Variants in P2RX7 observed in about 807,000 individuals in gnomAD.
P2RX7 encodes the protein P2X purinoceptor 7.
Under a neutral mutation model 71.6 loss-of-function variants are expected in P2RX7, and 62 were observed. The observed-to-expected ratio is 0.87, with a 90% CI of 0.71 to 1.07. The LOEUF is 1.07. P2RX7 is among the 50% of genes least tolerant of loss of function. The pLI is 0.00. For missense variants in P2RX7, 686 were observed against 748.5 expected (o/e 0.92, Z 0.97); for synonymous variants, 299 against 283.3 (o/e 1.06, Z -0.56).
intron 1 of P2RX7, among the ~76,000 whole-genome samples, chr12:121,137,233 C>T (rs1416029919): frequency 1.3e-5 from 2 of 152,138 alleles, no homozygotes; most frequent in Admixed American, 1.3e-4. Context: ...TGCTTTTTAG[C>T]GAGCATCTTG....
chr12:121,139,510 G>C (rs1455541553), intron 1 of P2RX7, among the ~76,000 whole-genome samples: 3 of 152,188 alleles, frequency 2.0e-5, no homozygotes, highest in African/African-American at 7.2e-5. Context: ...CTGGGCCCAG[G>C]CTGGCTGTCG....
intron 1 of P2RX7, among the ~76,000 whole-genome samples, chr12:121,137,251 A>G (rs1371792517): frequency 1.3e-5 from 2 of 152,168 alleles, no homozygotes; most frequent in African/African-American, 4.8e-5. Context: ...TTGCTGCTCT[A>G]CTTATTAATC....
intron 3 of P2RX7, among the ~76,000 whole-genome samples, 171 bp downstream of exon 3, chr12:121,156,318 C>A (rs1324755107): frequency 2.0e-5 from 3 of 152,198 alleles, no homozygotes; most frequent in Admixed American, 6.5e-5. Context: ...AGGGAGAGAA[C>A]ACATGGCAGT....
At chr12:121,167,776 T>A in intron 8 of P2RX7, 152 bp downstream of exon 8, 2 of 627,304 alleles carry the variant, frequency 3.2e-6, no homozygotes. Context: ...CATAATTTTT[T>A]AAAATTCTCA....
chr12:121,170,567 G>A (rs1007115866), intron 8 of P2RX7, among the ~76,000 whole-genome samples: 1 of 152,290 alleles, frequency 6.6e-6, no homozygotes, highest in South Asian at 2.1e-4. Context: ...CTGAGGTCAG[G>A]AGTTCGAGAC....
intron 6 of P2RX7, among the ~76,000 whole-genome samples, 181 bp from the exon 7 acceptor site, chr12:121,165,877 A>G (rs1334291416): frequency 2.0e-5 from 3 of 152,184 alleles, no homozygotes; most frequent in Admixed American, 2.0e-4. Context: ...GCCATATGCC[A>G]TTGGTCACAC....
chr12:121,138,532 G>T (rs549810987), intron 1 of P2RX7, among the ~76,000 whole-genome samples: 8 of 152,368 alleles, frequency 5.3e-5, no homozygotes, highest in African/African-American at 1.2e-4. Context: ...AGACGAGGGA[G>T]CCGTGTGAGC....
intron 9 of P2RX7, 101 bp from the exon 10 acceptor site, chr12:121,177,046 G>T: frequency 1.0e-6 from 1 of 985,042 alleles, no homozygotes; most frequent in Non-Finnish European, 1.6e-6. Flanking sequence ...CCAAGTCACA[G>T]CATGAGGCTC....
At chr12:121,184,028 G>C (rs1884571276) in intron 12 of P2RX7, among the ~76,000 whole-genome samples, 1 of 150,750 alleles carries the variant, frequency 6.6e-6, no homozygotes, top group Non-Finnish European at 1.5e-5. Flanking sequence ...TCACACCACT[G>C]TGCTCCAGCC....
chr12:121,170,139 T>C (rs1881887652), intron 8 of P2RX7, among the ~76,000 whole-genome samples: 1 of 152,190 alleles, frequency 6.6e-6, no homozygotes, highest in African/African-American at 2.4e-5. Context: ...TCCAAGGCAA[T>C]GGAACCAGCT....
chr12:121,164,979 A>G (rs1267664670), intron 5 of P2RX7, among the ~76,000 whole-genome samples: 3 of 152,052 alleles, frequency 2.0e-5, no homozygotes, highest in Admixed American at 6.5e-5. Context: ...TGTGCCGCAC[A>G]CTTTTAAATG....
intron 1 of P2RX7, among the ~76,000 whole-genome samples, chr12:121,151,516 C>T (rs533758384): frequency 2.0e-5 from 3 of 152,290 alleles, no homozygotes; most frequent in South Asian, 4.1e-4. Context: ...CCACCATGCC[C>T]AGCCTAAAAG....
intron 11 of P2RX7, among the ~76,000 whole-genome samples, chr12:121,180,147 C>CAAAAAAA (rs60397642): frequency 3.1e-5 from 2 of 64,652 alleles, no homozygotes; most frequent in African/African-American, 5.7e-5. Context: ...AACTCCAACT[C>CAAAAAAA]AAAAAAAAAA....
rs1884632353 is a variant in P2RX7 at position 121,184,373 on chromosome 12, T to C, written c.1359T>C (p.Pro453=). The change falls in exon 13 of 13, where the codon CCT becomes CCC. Residue 453 remains proline, a synonymous_variant. Coordinates refer to ENST00000328963, the MANE Select transcript of P2RX7 (RefSeq NM_002562.6). ...CCCTCCATGACACACCCCCGATTCC[T>C]GGACAACCAGAGGAGATACAGCTGC... ...PLALHDTPPI[P]GQPEEIQLLR... 6.2e-7 allele frequency: 1 copy of C among 1,614,002 alleles called. No homozygotes were observed.
chr12:121,171,235 T>G (rs926444290), intron 8 of P2RX7, among the ~76,000 whole-genome samples: 1 of 151,892 alleles, frequency 6.6e-6, no homozygotes, highest in Non-Finnish European at 1.5e-5. Context: ...TACGGGAGGG[T>G]CCTCTCTTGC....
At chr12:121,162,614 C>T (rs964398302) in intron 5 of P2RX7, 94 bp downstream of exon 5, 3 of 1,445,510 alleles carry the variant, frequency 2.1e-6, no homozygotes, top group Admixed American at 2.0e-5. Context: ...TCAGCACAGC[C>T]CTGCAAAGTC....
intron 1 of P2RX7, among the ~76,000 whole-genome samples, chr12:121,136,023 A>AAAAAAATATATATATATAT: frequency 2.6e-4 from 4 of 15,260 alleles, no homozygotes; most frequent in East Asian, 3.9e-3. Context: ...AAAAAAAAAA[A>AAAAAAATATATATATATAT]ATATATATAT....
At chr12:121,162,916 G>C (rs1880045970) in intron 5 of P2RX7, among the ~76,000 whole-genome samples, 1 of 151,992 alleles carries the variant, frequency 6.6e-6, no homozygotes. Flanking sequence ...GGAAGGGAAG[G>C]ACGAAGCGAG....
chr12:121,147,608 GT>G lies in P2RX7; in HGVS notation c.126-7174del, dbSNP rs530330400. ...AAAATGGGCAGTTTTTTTTGTTGTT[GT>G]TTGTTTGTTTGTTTGTTTGTCTTGA... On this transcript the variant is annotated intron_variant, in intron 1 of 12. Coordinates refer to ENST00000328963, the MANE Select transcript of P2RX7 (RefSeq NM_002562.6). Among the ~76,000 whole-genome samples the G allele has an allele frequency of 9.0e-3, 937 of 104,532 alleles. 6 individuals carry two copies. The highest frequency in any genetic ancestry group is 0.051 in the African/African-American group (878 of 17,110). The allele number at this position is 104,532 out of a possible 152,430, so 68.6% of individuals were successfully genotyped here.
Sources: gnomAD v4.1 joint callset for allele counts (sites outside exome capture counted in the v4.1 genomes callset) on GRCh38, gnomAD v4.1.1 for gene constraint, MANE v1.5 for transcripts, NCBI Gene and HGNC (gene_info 2026-07-23, HGNC 2026-07-21) for gene names.